SSBP3: variants seen among roughly 807,000 people sequenced by gnomAD.
SSBP3 encodes single stranded DNA binding protein 3.
A neutral mutation model predicts 69.6 loss-of-function variants in SSBP3; 5 were observed. That is an observed-to-expected ratio of 0.07 (90% CI 0.04 to 0.15). SSBP3 has a LOEUF of 0.15. Ranked by LOEUF, SSBP3 falls within the 10% of genes least tolerant of loss-of-function variation. SSBP3 has a pLI of 1.00. For synonymous variants in SSBP3, 196 were observed against 193.4 expected (o/e 1.01, Z -0.11); for missense variants, 312 against 534.0 (o/e 0.58, Z 4.10).
chr1:54,234,815 G>C (rs1484985330), intron 14 of SSBP3, among the ~76,000 whole-genome samples: 1 of 151,216 alleles, frequency 6.6e-6, no homozygotes, highest in Non-Finnish European at 1.5e-5. Context: ...CCAGGCTGGA[G>C]TGCAGTGGCA....
At chr1:54,278,426 C>T (rs1308339739) in intron 5 of SSBP3, among the ~76,000 whole-genome samples, 2 of 152,040 alleles carry the variant, frequency 1.3e-5, no homozygotes, top group Non-Finnish European at 2.9e-5. Flanking sequence ...GCCACGGGAC[C>T]AGACAGGTAC....
chr1:54,232,748 A>C (rs998769901), intron 14 of SSBP3, among the ~76,000 whole-genome samples: 1 of 152,008 alleles, frequency 6.6e-6, no homozygotes, highest in African/African-American at 2.4e-5. Flanking sequence ...ACGCGCCGCC[A>C]CGCCTGACTG....
At chr1:54,365,226 G>T (rs889846683) in intron 4 of SSBP3, among the ~76,000 whole-genome samples, 3 of 152,188 alleles carry the variant, frequency 2.0e-5, no homozygotes, top group African/African-American at 4.8e-5. Context: ...GTGCCATGCG[G>T]TGAAGCAATC....
At chr1:54,283,917 C>T (rs150269675) in intron 4 of SSBP3, among the ~76,000 whole-genome samples, 70 of 152,232 alleles carry the variant, frequency 4.6e-4, no homozygotes, top group Non-Finnish European at 9.1e-4. Context: ...TTTCTGTGGT[C>T]AGTGGTTCTG....
chr1:54,315,676 T>C lies in SSBP3; in HGVS notation c.277-34149A>G, dbSNP rs6698885. Reference sequence around the variant, plus strand: ...GTGTGATCTCTGTCTTTAATTTTTCTAAAGACAGGGTCTCTTGCTCTGTCA... The same window carrying C: ...GTGTGATCTCTGTCTTTAATTTTTCCAAAGACAGGGTCTCTTGCTCTGTCA... On this transcript the variant is annotated intron_variant, in intron 4 of 17. Transcript: ENST00000610401. Among the ~76,000 whole-genome samples, 955 of 151,530 alleles carry C rather than the reference T, an allele frequency of 6.3e-3. 10 individuals are homozygous for C. The highest frequency in any genetic ancestry group is 0.022 in the African/African-American group (924 of 41,292).
intron 9 of SSBP3, among the ~76,000 whole-genome samples, chr1:54,249,231 G>C (rs904896236): frequency 2.0e-5 from 3 of 152,306 alleles, no homozygotes; most frequent in East Asian, 3.9e-4. Flanking sequence ...GTGTTACGAT[G>C]GTCCTAACAA....
chr1:54,233,458 G>A (rs554447640), intron 14 of SSBP3, among the ~76,000 whole-genome samples: 5 of 151,984 alleles, frequency 3.3e-5, no homozygotes, highest in Admixed American at 2.0e-4. Flanking sequence ...GAGCGTCTCC[G>A]GCTGGCAGCC....
intron 9 of SSBP3, among the ~76,000 whole-genome samples, chr1:54,247,876 T>C (rs1286662414): frequency 5.3e-5 from 8 of 152,196 alleles, no homozygotes; most frequent in Admixed American, 2.6e-4. Flanking sequence ...CTGACATACA[T>C]AAAACTTTTT....
At chr1:54,320,645 G>A (rs1646195240) in intron 4 of SSBP3, among the ~76,000 whole-genome samples, 1 of 152,192 alleles carries the variant, frequency 6.6e-6, no homozygotes, top group Non-Finnish European at 1.5e-5. Context: ...GTTAATGCCA[G>A]AGTCCTGAGA....
intron 2 of SSBP3, 28 bp from the exon 3 acceptor site, chr1:54,404,665 A>G (rs1236962827): frequency 1.9e-6 from 3 of 1,613,648 alleles, no homozygotes; most frequent in African/African-American, 2.7e-5. Flanking sequence ...GAAGCAGCTT[A>G]GAGGAGCAGA....
intron 2 of SSBP3, 45 bp from the exon 3 acceptor site, chr1:54,404,682 G>A (rs2100829407): frequency 1.2e-6 from 2 of 1,610,344 alleles, no homozygotes; most frequent in Non-Finnish European, 1.7e-6. Context: ...CAGAGACGGG[G>A]TGGGCTGGGG....
intron 4 of SSBP3, among the ~76,000 whole-genome samples, chr1:54,283,010 T>A (rs1403349915): frequency 6.6e-6 from 1 of 152,206 alleles, no homozygotes; most frequent in East Asian, 1.9e-4. Flanking sequence ...CTCACTCCTG[T>A]AACCCCGACA....
intron 4 of SSBP3, among the ~76,000 whole-genome samples, chr1:54,369,943 C>T (rs546414396): frequency 2.0e-5 from 3 of 152,204 alleles, no homozygotes; most frequent in African/African-American, 7.2e-5. Context: ...TATGAAAAAC[C>T]ATCCTTGCAA....
At chr1:54,326,763 G>A (rs1046311248) in intron 4 of SSBP3, among the ~76,000 whole-genome samples, 1 of 152,070 alleles carries the variant, frequency 6.6e-6, no homozygotes, top group South Asian at 2.1e-4. Flanking sequence ...CATCATTTCC[G>A]TGTCTCCCCA....
chr1:54,255,770 T>C (rs894972333), intron 7 of SSBP3: 20 of 152,168 alleles, frequency 1.3e-4, no homozygotes, highest in African/African-American at 4.3e-4. Flanking sequence ...ATAGGCAATT[T>C]AGCATTAAAG....
intron 14 of SSBP3, among the ~76,000 whole-genome samples, chr1:54,235,273 G>GTTTT (rs200538399): frequency 3.6e-5 from 4 of 112,032 alleles, no homozygotes; most frequent in East Asian, 2.7e-4. Flanking sequence ...AAGATGTCCA[G>GTTTT]TTTTTTTTTT....
At chr1:54,296,603 A>C (rs894598123) in intron 4 of SSBP3, among the ~76,000 whole-genome samples, 2 of 152,226 alleles carry the variant, frequency 1.3e-5, no homozygotes, top group Non-Finnish European at 2.9e-5. Context: ...CGGTTTTCCC[A>C]AGATGTCTGT....
At chr1:54,308,775 A>C (rs547869142) in intron 4 of SSBP3, among the ~76,000 whole-genome samples, 6 of 149,510 alleles carry the variant, frequency 4.0e-5, no homozygotes, top group Non-Finnish European at 8.9e-5. Context: ...CTCAAAAAAA[A>C]AGAAGAAGAA....
intron 4 of SSBP3, among the ~76,000 whole-genome samples, chr1:54,348,476 G>C (rs1646727565): frequency 6.6e-6 from 1 of 152,106 alleles, no homozygotes; most frequent in South Asian, 2.1e-4. Flanking sequence ...CTGCCAAACA[G>C]GTGACACCCA....
Sources: allele counts gnomAD v4.1 joint callset (sites outside exome capture counted in the v4.1 genomes callset), GRCh38; gene constraint gnomAD v4.1.1; transcripts MANE v1.5; gene names NCBI Gene and HGNC (gene_info 2026-07-23, HGNC 2026-07-21).